Variants in TRAPPC9 observed in about 807,000 individuals in gnomAD.
TRAPPC9 encodes trafficking protein particle complex subunit 9, also known as IKK2 binding protein.
A neutral mutation model predicts 124.0 loss-of-function variants in TRAPPC9; 83 were observed. The ratio of observed to expected loss-of-function variants is 0.67; its 90% confidence interval spans 0.56 to 0.80. TRAPPC9 has a LOEUF of 0.80. TRAPPC9 is among the 30% of genes least tolerant of loss of function. The probability of loss-of-function intolerance (pLI) is 0.00; values close to 1 mark genes in which losing one functional copy is unlikely to be tolerated. For synonymous variants in TRAPPC9, 638 were observed against 617.5 expected (o/e 1.03, Z -0.49); for missense variants, 1,302 against 1,508.3 (o/e 0.86, Z 2.27).
At chr8:140,305,400 A>G (rs138136943) in intron 10 of TRAPPC9, among the ~76,000 whole-genome samples, 85 of 152,258 alleles carry the variant, frequency 5.6e-4, no homozygotes, top group Non-Finnish European at 9.3e-4. Flanking sequence ...TCCTGGGTTC[A>G]AACAATTCTG....
chr8:139,810,517 G>A (rs1351560657), intron 21 of TRAPPC9, among the ~76,000 whole-genome samples: 1 of 152,122 alleles, frequency 6.6e-6, no homozygotes, highest in African/African-American at 2.4e-5. Context: ...ACAGACCAGG[G>A]CTCCCCCATC....
At chr8:139,980,693 G>A (rs955615204) in intron 19 of TRAPPC9, among the ~76,000 whole-genome samples, 2 of 152,232 alleles carry the variant, frequency 1.3e-5, no homozygotes, top group Admixed American at 6.5e-5. Context: ...GCCCAGGCAC[G>A]CGAAGCCAGC....
At chr8:140,339,346 TTC>T (rs1247945237) in intron 9 of TRAPPC9, among the ~76,000 whole-genome samples, 1 of 152,270 alleles carries the variant, frequency 6.6e-6, no homozygotes, top group Non-Finnish European at 1.5e-5. Context: ...CTAATAATTA[TTC>T]TCTGTCACTT....
Position 140,163,268 on chromosome 8 carries a change from TCAAAGC to T in TRAPPC9, c.2556+58185_2556+58190del, listed in dbSNP as rs532448340. Among the ~76,000 whole-genome samples, 39 of 152,268 alleles carry T rather than the reference TCAAAGC, an allele frequency of 2.6e-4. No homozygotes were observed. In the South Asian group the frequency reaches 6.8e-3, roughly 27 times the overall value. ...AGCTTGGTCTGCCTCACGGTGACTT[TCAAAGC>T]CAAATTCCTCGAGTTTCTAACTTGG... On this transcript the variant is annotated intron_variant, in intron 17 of 22. Transcript: ENST00000438773.
chr8:140,212,089 C>T (rs2063075018), intron 17 of TRAPPC9, among the ~76,000 whole-genome samples: 1 of 152,190 alleles, frequency 6.6e-6, no homozygotes, highest in South Asian at 2.1e-4. Flanking sequence ...CAAGAAGGCC[C>T]AGCCAAGCAA....
At chr8:140,066,410 C>T (rs952155035) in intron 17 of TRAPPC9, among the ~76,000 whole-genome samples, 3 of 152,110 alleles carry the variant, frequency 2.0e-5, no homozygotes, top group South Asian at 2.1e-4. Flanking sequence ...TTAAGAATGG[C>T]GATTGTGCTG....
intron 17 of TRAPPC9, among the ~76,000 whole-genome samples, chr8:140,185,497 C>T (rs1306806930): frequency 6.6e-6 from 1 of 152,220 alleles, no homozygotes; most frequent in Non-Finnish European, 1.5e-5. Context: ...GGGCTGAGGA[C>T]CGAGTCCACC....
At chr8:140,234,297 C>T (rs1248442877) in intron 16 of TRAPPC9, among the ~76,000 whole-genome samples, 1 of 152,178 alleles carries the variant, frequency 6.6e-6, no homozygotes, top group Non-Finnish European at 1.5e-5. Flanking sequence ...TGAAACCCAA[C>T]CCTGGTGCCA....
chr8:139,900,473 G>C (rs937142023), intron 20 of TRAPPC9, among the ~76,000 whole-genome samples: 2 of 152,186 alleles, frequency 1.3e-5, no homozygotes, highest in African/African-American at 4.8e-5. Flanking sequence ...GCCTCCCTAT[G>C]TTAAAGAAGC....
chr8:140,072,514 T>C (rs1406672034), intron 17 of TRAPPC9, among the ~76,000 whole-genome samples: 3 of 128,980 alleles, frequency 2.3e-5, no homozygotes, highest in Non-Finnish European at 4.6e-5. Flanking sequence ...CGAGACTCCG[T>C]CTCAAAAAAA....
At chr8:140,050,651 G>A (rs1841931465) in intron 17 of TRAPPC9, among the ~76,000 whole-genome samples, 1 of 152,132 alleles carries the variant, frequency 6.6e-6, no homozygotes, top group African/African-American at 2.4e-5. Flanking sequence ...CTCCACCCGG[G>A]GCACAGGAAA....
chr8:140,313,256 C>T (rs1013153036), intron 9 of TRAPPC9, among the ~76,000 whole-genome samples: 2 of 152,180 alleles, frequency 1.3e-5, no homozygotes, highest in African/African-American at 2.4e-5. Flanking sequence ...AGGCAGAGCA[C>T]TTATGGTTGA....
intron 18 of TRAPPC9, among the ~76,000 whole-genome samples, chr8:140,001,491 C>T (rs901316911): frequency 1.3e-5 from 2 of 151,802 alleles, no homozygotes; most frequent in African/African-American, 4.8e-5. Context: ...TGAAAGCAGA[C>T]AAATAGAAAA....
chr8:140,090,779 C>T (rs1844515830), intron 17 of TRAPPC9, among the ~76,000 whole-genome samples: 1 of 152,240 alleles, frequency 6.6e-6, no homozygotes, highest in African/African-American at 2.4e-5. Flanking sequence ...ATCTTGAGCT[C>T]ATAGAGCAGC....
At chr8:139,777,118 T>C (rs1821447461) in intron 21 of TRAPPC9, among the ~76,000 whole-genome samples, 2 of 152,218 alleles carry the variant, frequency 1.3e-5, no homozygotes, top group African/African-American at 4.8e-5. Flanking sequence ...TGCCACCTTC[T>C]CCAGGAAGTG....
At chr8:139,932,811 C>A in intron 19 of TRAPPC9, 1 of 325,468 alleles carries the variant, frequency 3.1e-6, no homozygotes, top group South Asian at 2.6e-5. Context: ...AAGGCCCCAG[C>A]CAACCTCTCG....
chr8:139,937,681 C>T (rs568100564), intron 19 of TRAPPC9, among the ~76,000 whole-genome samples: 1 of 152,264 alleles, frequency 6.6e-6, no homozygotes, highest in South Asian at 2.1e-4. Flanking sequence ...TCTGGAAGTG[C>T]TCCTGGCAGA....
rs58951092 is a variant in TRAPPC9 at position 139,871,884 on chromosome 8, T to G, written c.3055+13995A>C. Among the ~76,000 whole-genome samples, 13 of 152,302 alleles carry G rather than the reference T, an allele frequency of 8.5e-5. No individual in the cohort carries two copies. In the East Asian group the frequency reaches 2.5e-3, roughly 29 times the overall value. Reference sequence around the variant, plus strand: ...GTAGATGAATGAGTTAGTGGGTGGCTGGATGAATGGATGGGTGAGTGGGAG... The same window carrying G: ...GTAGATGAATGAGTTAGTGGGTGGCGGGATGAATGGATGGGTGAGTGGGAG... On this transcript the variant is annotated intron_variant, in intron 21 of 22. Coordinates refer to ENST00000438773, the MANE Select transcript of TRAPPC9 (RefSeq NM_001160372.4).
chr8:140,047,235 G>A (rs1319359108), intron 17 of TRAPPC9, among the ~76,000 whole-genome samples: 1 of 152,208 alleles, frequency 6.6e-6, no homozygotes, highest in African/African-American at 2.4e-5. Flanking sequence ...TCACACACGC[G>A]CACGCACAAA....
Sources: gnomAD v4.1 joint callset for allele counts (sites outside exome capture counted in the v4.1 genomes callset) on GRCh38, gnomAD v4.1.1 for gene constraint, MANE v1.5 for transcripts, NCBI Gene and HGNC (gene_info 2026-07-23, HGNC 2026-07-21) for gene names.